NCAM2: variants seen among roughly 807,000 people sequenced by gnomAD.
The protein encoded by NCAM2 is N-CAM-2.
NCAM2 carries 30 observed loss-of-function variants against 98.1 expected under a neutral mutation model. The observed-to-expected ratio is 0.31, with a 90% CI of 0.23 to 0.41. NCAM2 has a LOEUF of 0.41. NCAM2 is among the 10% of genes least tolerant of loss of function. NCAM2 has a pLI of 1.00. For missense variants in NCAM2, 867 were observed against 1,005.8 expected (o/e 0.86, Z 1.87); for synonymous variants, 368 against 342.4 (o/e 1.07, Z -0.83).
intron 1 of NCAM2, among the ~76,000 whole-genome samples, chr21:21,238,781 C>T (rs2094431929): frequency 6.6e-6 from 1 of 152,094 alleles, no homozygotes; most frequent in Admixed American, 6.6e-5. Context: ...CCATTTTCTA[C>T]CGACATAATC....
rs1399629690 is a variant in NCAM2 at position 21,466,511 on chromosome 21, G to T, written c.1655-95G>T. ...TCAGTGAAATTATTCACTCAGAATT[G>T]TAATAGTTTGATTTGTTTTCCTTAT... On this transcript the variant is annotated intron_variant, in intron 12 of 17. Transcript: ENST00000400546. 6 of 914,672 alleles carry T rather than the reference G, an allele frequency of 6.6e-6. No individual in the cohort carries two copies. In the East Asian group the frequency reaches 1.3e-4, roughly 19 times the overall value. The allele number at this position is 914,672 out of a possible 1,614,324, so 56.7% of individuals were successfully genotyped here. A position where few individuals can be genotyped will look rare whatever the true frequency, so the allele number is the denominator to read the frequency against.
chr21:21,540,237 G>A lies in NCAM2; in HGVS notation c.*2280G>A, dbSNP rs549844338. The stretch of plus-strand genomic sequence containing the variant: ...CATTTATTCGGATTTTCCTTGTAAA[G>A]AAATTGACATATATTTCATATATAT... On this transcript the variant is annotated 3_prime_UTR_variant, in exon 18 of 18. Coordinates refer to ENST00000400546, the MANE Select transcript of NCAM2 (RefSeq NM_004540.5). 6.7e-6 allele frequency: 1 copy of A among 149,826 alleles called. No individual in the cohort carries two copies. The highest frequency in any genetic ancestry group is 2.4e-5 in the African/African-American group (1 of 40,846). 9.3% of individuals were successfully genotyped at this position (149,826 alleles called of 1,614,324 possible).
intron 6 of NCAM2, 115 bp downstream of exon 6, chr21:21,324,615 A>C (rs1319206887): frequency 1.3e-6 from 1 of 771,698 alleles, no homozygotes; most frequent in African/African-American, 1.7e-5. Flanking sequence ...AGTTTCATTA[A>C]AAAAAAATCC....
In NCAM2 at chr21:21,540,220, C is replaced by T. The variant is rs531590629; in HGVS notation, c.*2263C>T. ...GACATTTCTGTTTCTCTCATTTATTCGGATTTTCCTTGTAAAGAAATTGAC... is the reference window on the plus strand; with the variant it reads ...GACATTTCTGTTTCTCTCATTTATTTGGATTTTCCTTGTAAAGAAATTGAC... On this transcript the variant is annotated 3_prime_UTR_variant, in exon 18 of 18. Transcript: ENST00000400546. The T allele has an allele frequency of 6.6e-6, 1 of 150,978 alleles. No homozygotes were observed. The highest frequency in any genetic ancestry group is 1.5e-5 in the Non-Finnish European group (1 of 67,778). The allele number at this position is 150,978 out of a possible 1,614,324, so 9.4% of individuals were successfully genotyped here. A position where few individuals can be genotyped will look rare whatever the true frequency, so the allele number is the denominator to read the frequency against.
intron 9 of NCAM2, among the ~76,000 whole-genome samples, chr21:21,394,172 G>A (rs1020936560): frequency 5.3e-5 from 8 of 152,098 alleles, no homozygotes; most frequent in Admixed American, 1.3e-4. Context: ...CTGGAAATAA[G>A]CACACATCTA....
At chr21:21,336,891 T>C (rs1042106083) in intron 7 of NCAM2, among the ~76,000 whole-genome samples, 1 of 152,206 alleles carries the variant, frequency 6.6e-6, no homozygotes, top group Non-Finnish European at 1.5e-5. Flanking sequence ...TGGAAAGTTA[T>C]TCAGCAGGAT....
intron 1 of NCAM2, among the ~76,000 whole-genome samples, chr21:21,008,545 A>G (rs528740537): frequency 6.6e-6 from 1 of 152,300 alleles, no homozygotes; most frequent in East Asian, 1.9e-4. Context: ...CCCAAATAGA[A>G]TGCTTTAAAA....
chr21:21,428,070 C>T (rs1225620556), intron 11 of NCAM2, among the ~76,000 whole-genome samples: 1 of 152,212 alleles, frequency 6.6e-6, no homozygotes, highest in Non-Finnish European at 1.5e-5. Flanking sequence ...TCCATGGACT[C>T]TCATGACATA....
chr21:21,054,853 G>C (rs1281309819), intron 1 of NCAM2, among the ~76,000 whole-genome samples: 1 of 151,920 alleles, frequency 6.6e-6, no homozygotes, highest in Admixed American at 6.6e-5. Flanking sequence ...TCTCAGTCCT[G>C]CAGAAAAGTC....
chr21:21,537,907 A>T lies in NCAM2; in HGVS notation c.2464A>T (p.Lys822Ter). The change falls in exon 18 of 18, where the codon AAA (lysine) becomes TAA (stop). Residue 822 changes from lysine (K) to a stop codon, truncating the protein, a stop_gained. Transcript: ENST00000400546. LOFTEE classifies it high-confidence loss of function. Reference sequence around the variant, plus strand: ...TCTAAATCCAGAAACTATAGAAATTAAAGTTTCTAACGACATCATTCAATC... The same window carrying T: ...TCTAAATCCAGAAACTATAGAAATTTAAGTTTCTAACGACATCATTCAATC... ...EALNPETIEI[K>*]VSNDIIQSKE... 1 of 1,584,188 alleles carries T rather than the reference A, an allele frequency of 6.3e-7. No homozygotes were observed. The highest frequency in any genetic ancestry group is 8.6e-7 in the Non-Finnish European group (1 of 1,166,044).
At chr21:21,158,865 AGAGT>A (rs2067693295) in intron 1 of NCAM2, among the ~76,000 whole-genome samples, 1 of 152,150 alleles carries the variant, frequency 6.6e-6, no homozygotes, top group Non-Finnish European at 1.5e-5. Context: ...CAGTTATTTT[AGAGT>A]GTATTCCTTC....
rs193191387 is a variant in NCAM2, at chr21:21,151,280, T to A, written c.56-129298T>A. ...TAGATAATATTTAATGTGTATTTTT[T>A]ATCATTATACTTCAAATTGTAAGGT... On this transcript the variant is annotated intron_variant, in intron 1 of 17. Coordinates refer to ENST00000400546, the MANE Select transcript of NCAM2 (RefSeq NM_004540.5). Among the ~76,000 whole-genome samples, 302 of 152,192 alleles carry A rather than the reference T, an allele frequency of 2.0e-3. 1 individual carries two copies. The highest frequency in any genetic ancestry group is 7.0e-3 in the African/African-American group (292 of 41,560).
chr21:21,352,175 C>T (rs758741450), intron 8 of NCAM2, among the ~76,000 whole-genome samples: 4 of 152,166 alleles, frequency 2.6e-5, no homozygotes, highest in Non-Finnish European at 4.4e-5. Flanking sequence ...CAAGCATCCT[C>T]CCACCTCAGC....
intron 1 of NCAM2, among the ~76,000 whole-genome samples, chr21:21,160,366 A>G (rs930935335): frequency 1.3e-5 from 2 of 151,984 alleles, no homozygotes; most frequent in Non-Finnish European, 2.9e-5. Flanking sequence ...TGTTTTCAAT[A>G]CATTGCCATT....
intron 2 of NCAM2, among the ~76,000 whole-genome samples, chr21:21,281,830 A>G (rs2072939722): frequency 6.6e-6 from 1 of 151,838 alleles, no homozygotes; most frequent in Non-Finnish European, 1.5e-5. Flanking sequence ...TGAGAATGAC[A>G]TGATTTATTT....
At chr21:21,534,996 T>C (rs1989907551) in intron 17 of NCAM2, among the ~76,000 whole-genome samples, 1 of 152,094 alleles carries the variant, frequency 6.6e-6, no homozygotes, top group Admixed American at 6.6e-5. Flanking sequence ...AATAATTATA[T>C]TTACTGAAAT....
intron 15 of NCAM2, among the ~76,000 whole-genome samples, chr21:21,504,288 A>G (rs1987829622): frequency 6.6e-6 from 1 of 151,958 alleles, no homozygotes; most frequent in Admixed American, 6.6e-5. Flanking sequence ...TCTTTTATGT[A>G]AATTAGAACT....
intron 5 of NCAM2, among the ~76,000 whole-genome samples, chr21:21,302,134 A>G (rs890337217): frequency 1.3e-5 from 2 of 150,896 alleles, no homozygotes. Context: ...AGGACTATAA[A>G]TCATGCTGCT....
intron 8 of NCAM2, among the ~76,000 whole-genome samples, chr21:21,343,261 A>G (rs2075094209): frequency 1.3e-5 from 2 of 151,960 alleles, no homozygotes. Flanking sequence ...AAAACAATCT[A>G]GAGGTGTGGG....
Sources: allele counts gnomAD v4.1 joint callset (sites outside exome capture counted in the v4.1 genomes callset), GRCh38; gene constraint gnomAD v4.1.1; transcripts MANE v1.5; gene names NCBI Gene and HGNC (gene_info 2026-07-23, HGNC 2026-07-21).